PIEZO2: variants seen among roughly 807,000 people sequenced by gnomAD.
PIEZO2 encodes piezo-type mechanosensitive ion channel component 2.
Under a neutral mutation model 337.3 loss-of-function variants are expected in PIEZO2, and 172 were observed. That is an observed-to-expected ratio of 0.51 (90% CI 0.45 to 0.58). The LOEUF (loss-of-function observed/expected upper bound fraction) is 0.58, where lower values mean the gene tolerates loss of function less well. PIEZO2 is among the 20% of genes least tolerant of loss of function. The pLI, the probability that PIEZO2 is intolerant of heterozygous loss-of-function variation, is 0.00. For synonymous variants in PIEZO2, 1,251 were observed against 1,228.5 expected, an observed-to-expected ratio of 1.02 and a Z score of -0.38; for missense variants, 3,028 against 3,391.3, an observed-to-expected ratio of 0.89 and a Z score of 2.66.
At chr18:10,913,959 T>C (rs1568192983) in intron 3 of PIEZO2, among the ~76,000 whole-genome samples, 1 of 152,184 alleles carries the variant, frequency 6.6e-6, no homozygotes, top group Non-Finnish European at 1.5e-5. Flanking sequence ...AAACTCCACA[T>C]ACCCTAGAGG....
chr18:10,939,877 A>G (rs1374205731), intron 3 of PIEZO2, among the ~76,000 whole-genome samples: 2 of 152,144 alleles, frequency 1.3e-5, no homozygotes, highest in Non-Finnish European at 2.9e-5. Context: ...CGGCATATGT[A>G]TACTTATGTA....
chr18:10,883,211 A>G (rs1213921026), intron 4 of PIEZO2, among the ~76,000 whole-genome samples: 1 of 152,188 alleles, frequency 6.6e-6, no homozygotes, highest in South Asian at 2.1e-4. Context: ...TATTGTATAT[A>G]GTGCTGAAAT....
At position 10,733,822 on chromosome 18, in the gene PIEZO2, A is replaced by G. The variant is rs184937042; in HGVS notation, c.4914+1410T>C. 3.8e-3 allele frequency among the ~76,000 whole-genome samples: 573 copies of G among 152,314 alleles called. 5 individuals carry two copies. Among genetic ancestry groups the G allele is most frequent in the African/African-American group, 0.013 (535 of 41,574 alleles). ...GCGCCTCTCTGGAAAATCAGACACA[A>G]GCTCCATGAACCAGGAGTAGAAAAA... On this transcript the variant is annotated intron_variant, in intron 35 of 55. Coordinates refer to ENST00000674853, the MANE Select transcript of PIEZO2 (RefSeq NM_001378183.1).
chr18:10,786,979 A>T, intron 16 of PIEZO2, 57 bp downstream of exon 16: 1 of 1,441,496 alleles, frequency 6.9e-7, no homozygotes, highest in Non-Finnish European at 9.3e-7. Flanking sequence ...AGATGCTTTG[A>T]ACAATATGCA....
At chr18:11,121,890 T>C (rs1811316038) in intron 1 of PIEZO2, among the ~76,000 whole-genome samples, 1 of 152,240 alleles carries the variant, frequency 6.6e-6, no homozygotes, top group Non-Finnish European at 1.5e-5. Context: ...TCAATTCTCA[T>C]GTGAATTCTA....
chr18:11,020,276 T>C (rs935023947), intron 2 of PIEZO2, among the ~76,000 whole-genome samples: 15 of 152,138 alleles, frequency 9.9e-5, no homozygotes, highest in African/African-American at 3.6e-4. Context: ...TCTGATGGGG[T>C]CCATTAACAT....
intron 8 of PIEZO2, among the ~76,000 whole-genome samples, chr18:10,805,771 A>T (rs1306221770): frequency 6.6e-6 from 1 of 152,230 alleles, no homozygotes; most frequent in African/African-American, 2.4e-5. Flanking sequence ...AACCCTGCTA[A>T]CAAGGATGGC....
At chr18:10,797,838 T>G (rs189790287) in intron 11 of PIEZO2, among the ~76,000 whole-genome samples, 33 of 152,158 alleles carry the variant, frequency 2.2e-4, no homozygotes, top group African/African-American at 7.7e-4. Context: ...TCTCCTCGAG[T>G]GTGGGTGGGA....
At chr18:10,697,065 T>C (rs1035506360) in intron 45 of PIEZO2, among the ~76,000 whole-genome samples, 1 of 152,196 alleles carries the variant, frequency 6.6e-6, no homozygotes, top group Non-Finnish European at 1.5e-5. Context: ...AGGGCCTGTG[T>C]CCATGCTGGC....
intron 7 of PIEZO2, among the ~76,000 whole-genome samples, chr18:10,835,751 C>T (rs147211386): frequency 0.054 from 8,184 of 152,280 alleles, 298 homozygotes; most frequent in South Asian, 0.11. Flanking sequence ...GCCATGTTGG[C>T]CAGGCTGGTC....
In PIEZO2 at chr18:10,973,102, TGA is replaced by T. The variant is rs1274828500; in HGVS notation, c.286+6431_286+6432del. ...ATGAAAAATATTTGTCAGGATAAAA[TGA>T]GATATTCTATTTGAAAACTGCTGCA... is the stretch of plus-strand genomic sequence containing the variant. On this transcript the variant is annotated intron_variant, in intron 3 of 55. Transcript: ENST00000674853. The surrounding 1 kb of genome is among the most constrained non-coding windows in gnomAD (Gnocchi z 4.9). Among the ~76,000 whole-genome samples the T allele has an allele frequency of 6.6e-6, 1 of 152,164 alleles. No homozygotes were observed. Among genetic ancestry groups the T allele is most frequent in the Non-Finnish European group, 1.5e-5 (1 of 68,018 alleles).
At position 11,148,511 on chromosome 18, in the gene PIEZO2, C is replaced by G; in HGVS notation, c.64+14G>C. ...GTCCTCCTCAAGTGCCCTCGGAAAG[C>G]GGACCAGACTCACCTACTGCCAGGC... On this transcript the variant is annotated intron_variant, in intron 1 of 55. Transcript: ENST00000674853. The surrounding 1 kb of genome is among the most constrained non-coding windows in gnomAD (Gnocchi z 5.2). 6.5e-7 allele frequency: 1 copy of G among 1,537,118 alleles called. No individual in the cohort carries two copies.
rs559963189 is a variant in PIEZO2 at position 10,760,698 on chromosome 18, G to A, written c.3450+213C>T. ...GGCTCTGGAGATCCAGAGAGGCCAA[G>A]GCACTGCTGTGGAGGGGGGTGTTCA... On this transcript the variant is annotated intron_variant, in intron 24 of 55. Transcript: ENST00000674853. Among the ~76,000 whole-genome samples the A allele has an allele frequency of 3.9e-5, 6 of 152,352 alleles. No individual in the cohort carries two copies. In the East Asian group the frequency reaches 1.2e-3, roughly 29 times the overall value.
chr18:10,925,112 T>C (rs184280656), intron 3 of PIEZO2, among the ~76,000 whole-genome samples: 23 of 152,282 alleles, frequency 1.5e-4, no homozygotes, highest in African/African-American at 5.1e-4. Flanking sequence ...TTTAATACAA[T>C]TGATAAAAAT....
rs544231003 is a variant in PIEZO2, at chr18:11,132,675, T to C, written c.64+15850A>G. The stretch of plus-strand genomic sequence containing the variant: ...GTCTTAGTTCCAGAAGAAGGAGCAC[T>C]GCCACCAGTAGACACAATGATTCCA... On this transcript the variant is annotated intron_variant, in intron 1 of 55. Coordinates refer to ENST00000674853, the MANE Select transcript of PIEZO2 (RefSeq NM_001378183.1). The surrounding 1 kb of genome is among the most constrained non-coding windows in gnomAD (Gnocchi z 4.7). 4.6e-5 allele frequency among the ~76,000 whole-genome samples: 7 copies of C among 152,260 alleles called. No individual in the cohort carries two copies. In the South Asian group the frequency reaches 1.5e-3, roughly 32 times the overall value.
intron 1 of PIEZO2, among the ~76,000 whole-genome samples, chr18:11,075,598 T>C (rs1054918402): frequency 2.6e-5 from 4 of 152,146 alleles, no homozygotes; most frequent in Admixed American, 6.6e-5. Flanking sequence ...TCCCAGGTGC[T>C]TCCTACAGAA....
chr18:10,787,338 C>G (rs541035112), intron 15 of PIEZO2, among the ~76,000 whole-genome samples, 154 bp from the exon 16 acceptor site: 2 of 152,286 alleles, frequency 1.3e-5, no homozygotes, highest in African/African-American at 4.8e-5. Context: ...TGTTCCGTGT[C>G]TATCACAGTG....
At chr18:11,039,297 T>A (rs550138259) in intron 2 of PIEZO2, among the ~76,000 whole-genome samples, 1 of 152,274 alleles carries the variant, frequency 6.6e-6, no homozygotes, top group East Asian at 1.9e-4. Context: ...AAATGGAACA[T>A]TCTGTAGGCA....
rs866789541 is a variant in PIEZO2, at chr18:11,131,354, C to T, written c.64+17171G>A. Among the ~76,000 whole-genome samples the T allele has an allele frequency of 1.3e-5, 2 of 152,166 alleles. No homozygotes were observed. Among genetic ancestry groups the T allele is most frequent in the African/African-American group, 4.8e-5 (2 of 41,432 alleles). On this transcript the variant is annotated intron_variant, in intron 1 of 55. Transcript: ENST00000674853. This position sits in a 1 kb window ranked among gnomAD's most constrained non-coding sequence, Gnocchi z 5.3. ...GTGGCTCGAATGCCTATCATCTCCACCCCTGCTACCCTGTCTTCTCTCCCA... is the reference window on the plus strand; with the variant it reads ...GTGGCTCGAATGCCTATCATCTCCATCCCTGCTACCCTGTCTTCTCTCCCA...
Sources: allele counts gnomAD v4.1 joint callset (sites outside exome capture counted in the v4.1 genomes callset), GRCh38; gene constraint gnomAD v4.1.1; non-coding constraint Gnocchi (gnomAD v3.1); transcripts MANE v1.5; gene names NCBI Gene and HGNC (gene_info 2026-07-23, HGNC 2026-07-21).